Variants in SECISBP2 observed in about 807,000 individuals in gnomAD.
SECISBP2 encodes selenocysteine insertion sequence-binding protein 2.
A neutral mutation model predicts 98.2 loss-of-function variants in SECISBP2; 96 were observed. That is an observed-to-expected ratio of 0.98 (90% CI 0.83 to 1.16). The LOEUF (loss-of-function observed/expected upper bound fraction) is 1.16. SECISBP2 is among the 50% of genes most tolerant of loss of function. SECISBP2 has a pLI of 0.00. For synonymous variants in SECISBP2, 407 were observed against 370.2 expected, an observed-to-expected ratio of 1.10 and a Z score of -1.14; for missense variants, 1,046 against 1,022.9, an observed-to-expected ratio of 1.02 and a Z score of -0.31.
intron 4 of SECISBP2, 137 bp downstream of exon 4, chr9:89,326,175 C>A: frequency 2.0e-6 from 2 of 1,025,398 alleles, no homozygotes; most frequent in Non-Finnish European, 2.9e-6. Context: ...TCTGACACAG[C>A]TTAGGGCGTC....
downstream of SECISBP2, chr9:89,362,314 G>C (rs1232606527): frequency 1.3e-5 from 21 of 1,611,288 alleles, no homozygotes; most frequent in Non-Finnish European, 1.6e-5. Context: ...AGTTGTGGGG[G>C]ACCAGGCCTT....
intron 12 of SECISBP2, among the ~76,000 whole-genome samples, chr9:89,348,912 A>T (rs1830842675): frequency 6.6e-6 from 1 of 152,242 alleles, no homozygotes; most frequent in Admixed American, 6.5e-5. Context: ...AGGGTTGCGG[A>T]TGGGCATTCA....
chr9:89,353,097 G>T (rs992588606), intron 14 of SECISBP2, among the ~76,000 whole-genome samples: 1 of 152,174 alleles, frequency 6.6e-6, no homozygotes, highest in African/African-American at 2.4e-5. Context: ...GTTGAGGGTG[G>T]TGATTCTCAA....
chr9:89,356,004 A>T (rs1393685685), intron 14 of SECISBP2, among the ~76,000 whole-genome samples: 3 of 152,094 alleles, frequency 2.0e-5, no homozygotes, highest in South Asian at 2.1e-4. Flanking sequence ...TTTATTTCTT[A>T]GTGAAATCCC....
At chr9:89,362,079 A>C (rs1588041258), downstream of SECISBP2, 4 of 526,130 alleles carry the variant, frequency 7.6e-6, no homozygotes, top group Non-Finnish European at 1.4e-5. Flanking sequence ...ACCTGCACAC[A>C]CCCTGCTGTT....
intron 4 of SECISBP2, among the ~76,000 whole-genome samples, chr9:89,326,376 A>G (rs938906803): frequency 6.6e-6 from 1 of 152,236 alleles, no homozygotes; most frequent in Non-Finnish European, 1.5e-5. Context: ...CTGTGGTCTT[A>G]TAATTAAATG....
At chr9:89,356,413 A>G (rs1236764121) in intron 14 of SECISBP2, 1 of 152,238 alleles carries the variant, frequency 6.6e-6, no homozygotes, top group Non-Finnish European at 1.5e-5. Flanking sequence ...ATTTTGGATC[A>G]TTCTATGCAG....
At position 89,359,550 on chromosome 9, in the gene SECISBP2, T is replaced by C. The variant is rs1832593697; in HGVS notation, c.*726T>C. On this transcript the variant is annotated 3_prime_UTR_variant, in exon 17 of 17. Coordinates refer to ENST00000375807, the MANE Select transcript of SECISBP2 (RefSeq NM_024077.5). ...TTCAATGAACATATTCTGAATGTGG[T>C]TTCTGTCTTAGACCAGGAGGACAGA... 6.6e-6 allele frequency: 1 copy of C among 152,290 alleles called. No individual in the cohort carries two copies. The highest frequency in any genetic ancestry group is 1.5e-5 in the Non-Finnish European group (1 of 68,064). The allele number at this position is 152,290 out of a possible 1,614,324, so 9.4% of individuals were successfully genotyped here.
intron 6 of SECISBP2, 40 bp downstream of exon 6, chr9:89,333,026 T>C: frequency 1.3e-6 from 2 of 1,556,178 alleles, no homozygotes; most frequent in Non-Finnish European, 1.8e-6. Flanking sequence ...TAAAATGTCA[T>C]AGATTTTTTA....
Position 89,349,924 on chromosome 9 carries a change from C to A in SECISBP2, c.1887C>A (p.Phe629Leu). ...TTFPKIHSRR[F>L]RDYCSQMLSK... ...TCCCTAAGATCCACAGCCGCAGATT[C>A]AGGGAGTGAGTGAGCCCCTGCCTGC... is the stretch of plus-strand genomic sequence containing the variant. The change falls in exon 13 of 17, where the codon TTC becomes TTA. Residue 629 changes from phenylalanine (F) to leucine (L), a missense_variant. Phe to Leu is a conservative substitution (Grantham distance 22). Transcript: ENST00000375807. The A allele has an allele frequency of 6.2e-7, 1 of 1,614,118 alleles. No homozygotes were observed. The highest frequency in any genetic ancestry group is 8.5e-7 in the Non-Finnish European group (1 of 1,179,972).
In SECISBP2 at chr9:89,334,081, G is replaced by A. The variant is rs747816615; in HGVS notation, c.881-441G>A. ...CTGTACTTATGCCTCTGTTCTAAAA[G>A]AAATAAATTACCAGTTATTGTGATA... is the stretch of plus-strand genomic sequence containing the variant. On this transcript the variant is annotated intron_variant, in intron 6 of 16. Transcript: ENST00000375807. 6 of 1,121,946 alleles carry A rather than the reference G, an allele frequency of 5.3e-6. No individual in the cohort carries two copies. In the African/African-American group the frequency reaches 6.7e-5, roughly 12 times the overall value. 69.5% of individuals were successfully genotyped at this position (1,121,946 alleles called of 1,614,324 possible).
At chr9:89,363,230 T>C (rs770826488), downstream of SECISBP2, among the ~76,000 whole-genome samples, 6 of 152,172 alleles carry the variant, frequency 3.9e-5, no homozygotes, top group Non-Finnish European at 7.3e-5. Context: ...CAGATGCCCC[T>C]TGATCTCCTG....
intron 14 of SECISBP2, among the ~76,000 whole-genome samples, chr9:89,354,235 A>G (rs911583986): frequency 2.0e-5 from 3 of 152,232 alleles, no homozygotes; most frequent in African/African-American, 7.2e-5. Context: ...GGGTGTTCCC[A>G]AGGCCACCAC....
chr9:89,349,103 G>C (rs1485655468), intron 12 of SECISBP2, among the ~76,000 whole-genome samples: 1 of 152,216 alleles, frequency 6.6e-6, no homozygotes, highest in Non-Finnish European at 1.5e-5. Context: ...GCTGAGAGTT[G>C]CAGGTGCTCC....
At chr9:89,348,032 T>C (rs534543845) in intron 11 of SECISBP2, 47 bp from the exon 12 acceptor site, 24 of 1,545,926 alleles carry the variant, frequency 1.6e-5, no homozygotes, top group African/African-American at 2.8e-5. Flanking sequence ...AGCTTATCTT[T>C]TAAGTACAAG....
At chr9:89,329,926 T>C (rs1026724888) in intron 5 of SECISBP2, 6 of 152,208 alleles carry the variant, frequency 3.9e-5, no homozygotes, top group African/African-American at 1.2e-4. Flanking sequence ...TTTATAAAAA[T>C]TGAAATACAT....
intron 13 of SECISBP2, among the ~76,000 whole-genome samples, 188 bp downstream of exon 13, chr9:89,350,117 T>G (rs1053567867): frequency 3.9e-5 from 6 of 152,258 alleles, no homozygotes; most frequent in African/African-American, 1.4e-4. Context: ...CTGATTCTGC[T>G]TCTACTGAGG....
In SECISBP2 at chr9:89,341,332, A is replaced by G. The variant is rs920581462; in HGVS notation, c.1303-15A>G. On this transcript the variant is annotated splice_polypyrimidine_tract_variant and intron_variant, in intron 9 of 16. Coordinates refer to ENST00000375807, the MANE Select transcript of SECISBP2 (RefSeq NM_024077.5). ...TATAGTTTTATAAGTAAACTTACGA[A>G]TTTTGAACTTTCAGGATAATTTTAA... 1.2e-6 allele frequency: 2 copies of G among 1,611,560 alleles called. No individual in the cohort carries two copies. Among genetic ancestry groups the G allele is most frequent in the African/African-American group, 2.7e-5 (2 of 74,866 alleles).
At chr9:89,349,734 G>A (rs771278420) in intron 12 of SECISBP2, 42 bp from the exon 13 acceptor site, 2 of 1,611,768 alleles carry the variant, frequency 1.2e-6, no homozygotes, top group East Asian at 4.5e-5. Flanking sequence ...TGTGTGCACT[G>A]GGCCTCACAG....
Sources: gnomAD v4.1 joint callset for allele counts (sites outside exome capture counted in the v4.1 genomes callset) on GRCh38, gnomAD v4.1.1 for gene constraint, MANE v1.5 for transcripts, NCBI Gene and HGNC (gene_info 2026-07-23, HGNC 2026-07-21) for gene names.